Variants in ATP13A2 observed in about 807,000 individuals in gnomAD.
ATP13A2 encodes polyamine-transporting ATPase 13A2.
ATP13A2 carries 83 observed loss-of-function variants against 138.3 expected under a neutral mutation model. The ratio of observed to expected loss-of-function variants is 0.60; its 90% CI spans 0.50 to 0.72. The LOEUF (loss-of-function observed/expected upper bound fraction) is 0.72. ATP13A2 is among the 30% of genes least tolerant of loss of function. The pLI, the probability that ATP13A2 is intolerant of heterozygous loss-of-function variation, is 0.00. For missense variants in ATP13A2, 1,402 were observed against 1,606.4 expected (o/e 0.87, Z 2.17); for synonymous variants, 663 against 699.0 (o/e 0.95, Z 0.81).
In ATP13A2 at chr1:17,000,536, T is replaced by C; in HGVS notation, c.706-2A>G. The C allele has an allele frequency of 6.2e-7, 1 of 1,613,100 alleles. No homozygotes were observed. On this transcript the variant is annotated splice_acceptor_variant, in intron 8 of 28. Coordinates refer to ENST00000326735, the MANE Select transcript of ATP13A2 (RefSeq NM_022089.4). LOFTEE classifies it high-confidence loss of function. ...GAACCCATAGTAGGGGTTCAGTGCC[T>C]GGGGGAGGGGCGGGAGGCAGCGTCA...
Position 16,992,490 on chromosome 1 carries a change from G to T in ATP13A2, c.1841C>A (p.Ala614Glu). 6.2e-7 allele frequency: 1 copy of T among 1,614,122 alleles called. No homozygotes were observed. The highest frequency in any genetic ancestry group is 8.5e-7 in the Non-Finnish European group (1 of 1,179,998). ...AACAGGCCCCCCTCAGCTCACCATTGCCTGCAGCTGGGGCTCCCAAAGTGG... is the reference window on the plus strand; with the variant it reads ...AACAGGCCCCCCTCAGCTCACCATTTCCTGCAGCTGGGGCTCCCAAAGTGG... ...RPPLWEPQLQ[A>E]MEEPPVPVSV... Residue 614 changes from alanine to glutamate, a missense_variant, in exon 17 of 29, where the codon GCA becomes GAA. By Grantham distance (107) the Ala-to-Glu change is moderately radical. Transcript: ENST00000326735.
In ATP13A2 at chr1:17,002,081, C is replaced by T. The variant is rs367693423; in HGVS notation, c.658G>A (p.Val220Met). 26 of 1,613,800 alleles carry T rather than the reference C, an allele frequency of 1.6e-5. No individual in the cohort carries two copies. Among genetic ancestry groups the T allele is most frequent in the African/African-American group, 9.3e-5 (7 of 75,046 alleles). Residue 220 changes from valine to methionine, a missense_variant, in exon 8 of 29, where the codon GTG (valine) becomes ATG (methionine). Transcript: ENST00000326735. ...TAGGACTTGACCGGTATGCTGATCA[C>T]GTTGGGGCCGTAAATGGCCTTCCTG... ...MVRKAIYGPNVISIPVKSYPQ... is the reference protein window; with the variant it reads ...MVRKAIYGPNMISIPVKSYPQ...
At chr1:17,009,350 G>A (rs1005232269) in intron 1 of ATP13A2, among the ~76,000 whole-genome samples, 1 of 151,200 alleles carries the variant, frequency 6.6e-6, no homozygotes, top group Non-Finnish European at 1.5e-5. Flanking sequence ...TGAAGGCAAA[G>A]GTGCTGGGAG....
rs1007719372 is a variant in ATP13A2 at position 17,011,589 on chromosome 1, G to A, written c.10+140C>T. On this transcript the variant is annotated intron_variant, in intron 1 of 28. Transcript: ENST00000326735. This position sits in a 1 kb window ranked among gnomAD's most constrained non-coding sequence, Gnocchi z 7.3. Reference sequence around the variant, plus strand: ...CGTCAAAAGGGAGGGGACGGGCCAGGATCCCCAACCAGGTCCCGCTTCCTG... The same window carrying A: ...CGTCAAAAGGGAGGGGACGGGCCAGAATCCCCAACCAGGTCCCGCTTCCTG... 4 of 1,114,618 alleles carry A rather than the reference G, an allele frequency of 3.6e-6. No homozygotes were observed. The highest frequency in any genetic ancestry group is 1.7e-5 in the African/African-American group (1 of 59,766). The allele number at this position is 1,114,618 out of a possible 1,614,324, so 69.0% of individuals were successfully genotyped here.
chr1:17,005,581 C>G, intron 2 of ATP13A2, 25 bp from the exon 3 acceptor site: 6 of 1,614,172 alleles, frequency 3.7e-6, no homozygotes, highest in Non-Finnish European at 5.1e-6. Flanking sequence ...AGAGAGGGCC[C>G]AGGTCGGGGT....
chr1:17,010,919 G>A (rs181086564), intron 1 of ATP13A2, among the ~76,000 whole-genome samples: 3 of 152,270 alleles, frequency 2.0e-5, no homozygotes, highest in Non-Finnish European at 2.9e-5. Context: ...CTTCTGCCAG[G>A]CTGAGGCGGG....
rs201373408 is a variant in ATP13A2 at position 17,007,489 on chromosome 1, GGCT to G, written c.11-1714_11-1712del. ...GGAAAAGCTGGGCGGGTGCGGGGTAGGCTGCTGATTTTCTGGGCTCCCTCCTTC... is the reference window on the plus strand; with the variant it reads ...GGAAAAGCTGGGCGGGTGCGGGGTAGGCTGATTTTCTGGGCTCCCTCCTTC... On this transcript the variant is annotated intron_variant, in intron 1 of 28. Coordinates refer to ENST00000326735, the MANE Select transcript of ATP13A2 (RefSeq NM_022089.4). 9.3e-3 allele frequency among the ~76,000 whole-genome samples: 1,416 copies of G among 151,882 alleles called. 13 individuals are homozygous for G. The highest frequency in any genetic ancestry group is 0.015 in the Non-Finnish European group (1,011 of 67,950).
Position 16,986,156 on chromosome 1 carries a change from A to C in ATP13A2, c.*65T>G. The C allele has an allele frequency of 6.2e-7, 1 of 1,607,910 alleles. No homozygotes were observed. Among genetic ancestry groups the C allele is most frequent in the Non-Finnish European group, 8.5e-7 (1 of 1,177,880 alleles). ...GAGGTGGTGGCGGTGGTGTTGCTGGAGAGGGGTCCAGTTGGTGGCTCAGAG... is the reference window on the plus strand; with the variant it reads ...GAGGTGGTGGCGGTGGTGTTGCTGGCGAGGGGTCCAGTTGGTGGCTCAGAG... On this transcript the variant is annotated 3_prime_UTR_variant, in exon 29 of 29. Transcript: ENST00000326735. The surrounding 1 kb of genome is among the most constrained non-coding windows in gnomAD (Gnocchi z 6.9).
At position 17,004,608 on chromosome 1, in the gene ATP13A2, G is replaced by A; in HGVS notation, c.477+84C>T. 2.5e-6 allele frequency: 4 copies of A among 1,611,780 alleles called. No homozygotes were observed. Among genetic ancestry groups the A allele is most frequent in the South Asian group, 2.2e-5 (2 of 90,978 alleles). On this transcript the variant is annotated intron_variant, in intron 5 of 28. Coordinates refer to ENST00000326735, the MANE Select transcript of ATP13A2 (RefSeq NM_022089.4). This position sits in a 1 kb window ranked among gnomAD's most constrained non-coding sequence, Gnocchi z 4.1. ...TGGGACAACAGAACTAAAAGGTGGT[G>A]GGAGAACATGAAGTCTGACTCTCCC...
Position 16,992,297 on chromosome 1 carries a change from C to G in ATP13A2, c.1951G>C (p.Ala651Pro), listed in dbSNP as rs778404620. Residue 651 changes from alanine (A) to proline (P), a missense_variant, in exon 18 of 29, where the codon GCC (alanine) becomes CCC (proline). Physicochemically the swap from Ala to Pro is conservative, Grantham distance 27. Coordinates refer to ENST00000326735, the MANE Select transcript of ATP13A2 (RefSeq NM_022089.4). ...VAWPGATQPE[A>P]YVKGSPELVA... The stretch of plus-strand genomic sequence containing the variant: ...AGCTCCGGGGAGCCTTTGACGTAGG[C>G]CTCGGGCTGAGTGGCCCCTGGCCAC... 1 of 1,612,498 alleles carries G rather than the reference C, an allele frequency of 6.2e-7. No homozygotes were observed. The highest frequency in any genetic ancestry group is 1.1e-5 in the South Asian group (1 of 91,044).
chr1:17,009,831 C>G (rs1242206258), intron 1 of ATP13A2, among the ~76,000 whole-genome samples: 3 of 152,180 alleles, frequency 2.0e-5, no homozygotes, highest in Non-Finnish European at 2.9e-5. Context: ...CTCAGTCAAC[C>G]TTGGCAAAGA....
Position 16,995,350 on chromosome 1 carries a change from T to TA in ATP13A2, c.1542+625dup, listed in dbSNP as rs1332298894. ...CTCCTTTGTGCACTCCTGGATCACT[T>TA]ACTTTGGTGGGGGACACACACACTC... On this transcript the variant is annotated intron_variant, in intron 15 of 28. Coordinates refer to ENST00000326735, the MANE Select transcript of ATP13A2 (RefSeq NM_022089.4). The surrounding 1 kb of genome is among the most constrained non-coding windows in gnomAD (Gnocchi z 4.1). 5.5e-6 allele frequency: 1 copy of TA among 183,472 alleles called. No individual in the cohort carries two copies. Among genetic ancestry groups the TA allele is most frequent in the Admixed American group, 5.4e-5 (1 of 18,528 alleles). 11.4% of individuals were successfully genotyped at this position (183,472 alleles called of 1,614,324 possible).
In ATP13A2 at chr1:16,986,237, G is replaced by C. The variant is rs1227408529; in HGVS notation, c.3527C>G (p.Ala1176Gly). The change falls in exon 29 of 29, where the codon GCC becomes GGC. Residue 1176 changes from alanine to glycine, a missense_variant. Transcript: ENST00000326735. This position sits in a 1 kb window ranked among gnomAD's most constrained non-coding sequence, Gnocchi z 6.9. ...LAEQPWPPLP[A>G]GPLR is the part of the protein sequence containing the mutation. ...GGGCCTGCACTACCTCAGGGGGCCG[G>C]CGGGCAGCGGCGGCCAGGGCTGCTC... 6.2e-7 allele frequency: 1 copy of C among 1,610,674 alleles called. No homozygotes were observed. The highest frequency in any genetic ancestry group is 1.1e-5 in the South Asian group (1 of 90,460).
intron 17 of ATP13A2, 22 bp downstream of exon 17, chr1:16,992,464 C>T (rs201584288): frequency 1.2e-6 from 2 of 1,613,882 alleles, no homozygotes; most frequent in East Asian, 2.2e-5. Flanking sequence ...GCCCTGCACC[C>T]AACAGGCCCC....
intron 6 of ATP13A2, among the ~76,000 whole-genome samples, chr1:17,003,044 A>C (rs1306768248): frequency 1.3e-5 from 2 of 152,132 alleles, no homozygotes. Context: ...TTTGATGGTA[A>C]CTGTCCTCAC....
intron 16 of ATP13A2, among the ~76,000 whole-genome samples, chr1:16,993,293 G>A (rs773829828): frequency 3.9e-5 from 6 of 152,158 alleles, no homozygotes; most frequent in Admixed American, 2.0e-4. Context: ...ACAGCTCCCT[G>A]TAGCCTCGCC....
Position 17,000,245 on chromosome 1 carries a change from C to T in ATP13A2, c.907+1G>A. The T allele has an allele frequency of 6.4e-7, 1 of 1,562,448 alleles. No homozygotes were observed. The highest frequency in any genetic ancestry group is 8.7e-7 in the Non-Finnish European group (1 of 1,153,158). ...CCGCCCCCTGGGCCCTAGCTCCTCA[C>T]CTCCCCCTGGCCGGCACACGCACAC... On this transcript the variant is annotated splice_donor_variant, in intron 10 of 28. Transcript: ENST00000326735. LOFTEE classifies it high-confidence loss of function.
intron 23 of ATP13A2, 110 bp from the exon 24 acceptor site, chr1:16,988,584 G>T: frequency 7.9e-7 from 1 of 1,273,230 alleles, no homozygotes; most frequent in Non-Finnish European, 1.1e-6. Context: ...GGTGCCTGGT[G>T]TACAGGAGGC....
chr1:16,986,656 G>A lies in ATP13A2; in HGVS notation c.3236-24C>T. 1 of 1,595,552 alleles carries A rather than the reference G, an allele frequency of 6.3e-7. No individual in the cohort carries two copies. The highest frequency in any genetic ancestry group is 1.1e-5 in the South Asian group (1 of 89,938). ...CACTGGGAGCAGGAGAGTCTCTCAG[G>A]CAGGAGCCACGCCCCCCCGGCACCC... On this transcript the variant is annotated intron_variant, in intron 27 of 28. Transcript: ENST00000326735. This position sits in a 1 kb window ranked among gnomAD's most constrained non-coding sequence, Gnocchi z 6.9.
Sources: gnomAD v4.1 joint callset for allele counts (sites outside exome capture counted in the v4.1 genomes callset) on GRCh38, gnomAD v4.1.1 for gene constraint, Gnocchi (gnomAD v3.1) non-coding constraint, MANE v1.5 for transcripts, NCBI Gene and HGNC (gene_info 2026-07-23, HGNC 2026-07-21) for gene names.